The following SLC9A7 variants were observed in gnomAD, a reference collection of about 807,000 sequenced individuals.
The protein encoded by SLC9A7 is sodium/hydrogen exchanger 7.
SLC9A7 carries 19 observed loss-of-function variants against 52.6 expected under a neutral mutation model. The ratio of observed to expected loss-of-function variants is 0.36; its 90% CI spans 0.25 to 0.53. SLC9A7 has a LOEUF of 0.53. Among genes scored for constraint, SLC9A7 ranks in the 20% least tolerant of loss-of-function variants. SLC9A7 has a pLI of 0.91. For synonymous variants in SLC9A7, 226 were observed against 252.1 expected (o/e 0.90, Z 0.98); for missense variants, 455 against 597.9 (o/e 0.76, Z 2.49).
chrX:46,711,100 G>A (rs923875317), intron 1 of SLC9A7, among the ~76,000 whole-genome samples: 16 of 112,798 alleles, frequency 1.4e-4, no homozygotes, highest in African/African-American at 4.8e-4. Context: ...AAATGGAGAA[G>A]GCCCCCTGTT....
At chrX:46,611,794 G>A (rs1320047502) in intron 16 of SLC9A7, among the ~76,000 whole-genome samples, 2 of 112,018 alleles carry the variant, frequency 1.8e-5, no homozygotes, top group African/African-American at 6.5e-5. Flanking sequence ...GTTCTTGAAG[G>A]AAGAGCGTGC....
intron 1 of SLC9A7, among the ~76,000 whole-genome samples, chrX:46,731,937 G>A (rs1207220048): frequency 1.8e-5 from 2 of 112,022 alleles, no homozygotes; most frequent in Admixed American, 1.9e-4. Context: ...AAATGACACT[G>A]AGGGCTGGGT....
At chrX:46,738,261 C>T (rs1177103573) in intron 1 of SLC9A7, among the ~76,000 whole-genome samples, 1 of 111,902 alleles carries the variant, frequency 8.9e-6, no homozygotes. Flanking sequence ...CACATAAATG[C>T]TTGATGTCCA....
chrX:46,734,534 AT>A (rs1429463598), intron 1 of SLC9A7, among the ~76,000 whole-genome samples: 1 of 111,659 alleles, frequency 9.0e-6, no homozygotes, highest in Non-Finnish European at 1.9e-5. Context: ...TTTCACACTC[AT>A]TTTTTAATGT....
chrX:46,648,604 T>C, intron 11 of SLC9A7, 82 bp downstream of exon 11: 1 of 739,397 alleles, frequency 1.4e-6, no homozygotes, highest in Non-Finnish European at 2.1e-6. Context: ...TGTCTTTTTA[T>C]GAACCTTATC....
At position 46,605,614 on chromosome X, in the gene SLC9A7, C is replaced by T. The variant is rs979215517; in HGVS notation, c.*1338G>A. The T allele has an allele frequency of 1.8e-5, 2 of 111,836 alleles. No individual in the cohort carries two copies. Among genetic ancestry groups the T allele is most frequent in the African/African-American group, 6.5e-5 (2 of 30,739 alleles). 9.2% of individuals were successfully genotyped at this position (111,836 alleles called of 1,213,427 possible). ...GGTGGCCACTGAAATCTCATGCATT[C>T]GTCGGCTCAAAGTTTGGAATTCTAC... On this transcript the variant is annotated 3_prime_UTR_variant, in exon 17 of 17. Coordinates refer to ENST00000616978, the MANE Select transcript of SLC9A7 (RefSeq NM_001257291.2).
At position 46,613,370 on chromosome X, in the gene SLC9A7, G is replaced by A; in HGVS notation, c.1848C>T (p.His616=). 8.3e-7 allele frequency: 1 copy of A among 1,201,619 alleles called. No individual in the cohort carries two copies. Among genetic ancestry groups the A allele is most frequent in the Non-Finnish European group, 1.1e-6 (1 of 889,155 alleles). ...GCGTGGTGGTTAGTGGGGGACCACTGTGTGTGAGGATGGGCTTCAGGTAAC... is the reference window on the plus strand; with the variant it reads ...GCGTGGTGGTTAGTGGGGGACCACTATGTGTGAGGATGGGCTTCAGGTAAC... ...DHNYLKPILT[H]SGPPLTTTLP... is the part of the protein sequence containing the mutation. The change falls in exon 16 of 17, where the codon CAC becomes CAT. Residue 616 remains histidine (H), a synonymous_variant. Coordinates refer to ENST00000616978, the MANE Select transcript of SLC9A7 (RefSeq NM_001257291.2).
intron 16 of SLC9A7, 96 bp from the exon 17 acceptor site, chrX:46,607,299 A>G: frequency 5.0e-6 from 5 of 990,970 alleles, no homozygotes; most frequent in Non-Finnish European, 6.8e-6. Context: ...CCTCATCTGA[A>G]AACTGGGGAC....
chrX:46,730,670 TTATATATATA>T lies in SLC9A7; in HGVS notation c.325+28025_325+28034del, dbSNP rs57157177. ...GCGAGACTGTCTCAAAAAAAAAAAA[TTATATATATA>T]TATATATATATATATATATATATAT... On this transcript the variant is annotated intron_variant, in intron 1 of 16. Transcript: ENST00000616978. 6.4e-3 allele frequency among the ~76,000 whole-genome samples: 275 copies of T among 42,916 alleles called. 6 individuals carry two copies. Among genetic ancestry groups the T allele is most frequent in the African/African-American group, 0.012 (190 of 15,512 alleles). 37.3% of individuals were successfully genotyped at this position (42,916 alleles called of 115,157 possible).
intron 15 of SLC9A7, among the ~76,000 whole-genome samples, chrX:46,615,677 T>TAA (rs1207624302): frequency 2.1e-4 from 23 of 109,166 alleles, no homozygotes; most frequent in Middle Eastern, 4.7e-3. Flanking sequence ...TATATATATA[T>TAA]AACCAGTAAG....
intron 1 of SLC9A7, among the ~76,000 whole-genome samples, chrX:46,753,347 A>G (rs928267649): frequency 8.9e-6 from 1 of 112,127 alleles, no homozygotes; most frequent in Non-Finnish European, 1.9e-5. Flanking sequence ...CCATAAAAGC[A>G]CATATATCAT....
chrX:46,688,180 G>C (rs1944325432), intron 1 of SLC9A7, among the ~76,000 whole-genome samples: 1 of 112,053 alleles, frequency 8.9e-6, no homozygotes, highest in Non-Finnish European at 1.9e-5. Flanking sequence ...CATTTCCCTA[G>C]AGTAGATACC....
intron 1 of SLC9A7, among the ~76,000 whole-genome samples, chrX:46,712,545 A>T (rs1307329386): frequency 5.4e-5 from 6 of 111,872 alleles, no homozygotes; most frequent in Non-Finnish European, 9.4e-5. Context: ...ATGAGAGGTC[A>T]CATTTCAACA....
chrX:46,730,855 G>T (rs751361062), intron 1 of SLC9A7, among the ~76,000 whole-genome samples: 2 of 104,624 alleles, frequency 1.9e-5, no homozygotes, highest in South Asian at 4.3e-4. Context: ...AAAGTCACAG[G>T]ATATCTTTGA....
chrX:46,698,837 G>A (rs951237629), intron 1 of SLC9A7, among the ~76,000 whole-genome samples: 2 of 111,657 alleles, frequency 1.8e-5, no homozygotes, highest in South Asian at 3.8e-4. Context: ...TCCTTAAAAG[G>A]GCTCAGAATC....
chrX:46,659,623 A>G (rs1224789432), intron 7 of SLC9A7, among the ~76,000 whole-genome samples: 1 of 47,107 alleles, frequency 2.1e-5, no homozygotes, highest in Non-Finnish European at 3.6e-5. Context: ...CCCATTCACA[A>G]TTGCTTCAAA....
chrX:46,646,493 T>G (rs1223584342), intron 11 of SLC9A7: 5 of 138,482 alleles, frequency 3.6e-5, no homozygotes, highest in Non-Finnish European at 7.2e-5. Context: ...CAACTTCAGA[T>G]GCCTACAGAT....
intron 2 of SLC9A7, among the ~76,000 whole-genome samples, chrX:46,681,603 C>T (rs761032818): frequency 8.9e-6 from 1 of 112,246 alleles, no homozygotes; most frequent in Non-Finnish European, 1.9e-5. Flanking sequence ...TTAAAATGGG[C>T]TCCCCACAAC....
intron 5 of SLC9A7, 85 bp downstream of exon 5, chrX:46,669,522 C>A: frequency 2.0e-6 from 1 of 508,667 alleles, no homozygotes; most frequent in East Asian, 4.2e-5. Context: ...CCTACTGCAA[C>A]AAAAGTTAAT....
Sources: allele counts gnomAD v4.1 joint callset (sites outside exome capture counted in the v4.1 genomes callset), GRCh38; gene constraint gnomAD v4.1.1; transcripts MANE v1.5; gene names NCBI Gene and HGNC (gene_info 2026-07-23, HGNC 2026-07-21).